The following UGT2B28 variants were observed in gnomAD, a reference collection of about 807,000 sequenced individuals.
UGT2B28 encodes UDP glucuronosyltransferase family 2 member B28.
In UGT2B28, 45 loss-of-function variants were observed where a neutral mutation model predicts 43.6. That is an observed-to-expected ratio of 1.03 (90% CI 0.81 to 1.32). The LOEUF (loss-of-function observed/expected upper bound fraction) is 1.32. UGT2B28 is among the 40% of genes most tolerant of loss of function. The pLI is 0.00. For synonymous variants in UGT2B28, 204 were observed against 208.1 expected (o/e 0.98, Z 0.17); for missense variants, 649 against 625.5 (o/e 1.04, Z -0.40).
Position 69,294,554 on chromosome 4 carries a change from A to G in UGT2B28, c.1335A>G (p.Leu445=). 2 of 1,543,376 alleles carry G rather than the reference A, an allele frequency of 1.3e-6. 1 individual carries two copies. Among genetic ancestry groups the G allele is most frequent in the Non-Finnish European group, 1.7e-6 (2 of 1,148,246 alleles). The stretch of plus-strand genomic sequence containing the variant: ...GATATAAAGAGAATGTTATGAAATT[A>G]TCAATAATTCAACATGATCAACCAG... ...DPSYKENVMK[L]SIIQHDQPVK... The change falls in exon 6 of 6, where the codon TTA becomes TTG. Residue 445 remains leucine (L), a synonymous_variant. Coordinates refer to ENST00000335568, the MANE Select transcript of UGT2B28 (RefSeq NM_053039.2).
At chr4:69,290,849 A>G (rs1240664488) in intron 5 of UGT2B28, 38 bp downstream of exon 5, 2 of 1,537,224 alleles carry the variant, frequency 1.3e-6, no homozygotes, top group Non-Finnish European at 1.8e-6. Context: ...TGGTATTTGT[A>G]GATAGCTTCT....
chr4:69,291,634 C>T (rs1412622081), intron 5 of UGT2B28, among the ~76,000 whole-genome samples: 8 of 140,362 alleles, frequency 5.7e-5, no homozygotes, highest in Admixed American at 1.4e-4. Flanking sequence ...TTTAGTTGTT[C>T]ATTTGTCAGT....
rs4235127 is a variant in UGT2B28, at chr4:69,290,595, T to A, written c.1094T>A (p.Leu365His). The A allele has an allele frequency of 0.51, 778,994 of 1,527,696 alleles. 255,771 individuals are homozygous for A. Among genetic ancestry groups the A allele is most frequent in the Non-Finnish European group, 0.54 (606,112 of 1,128,186 alleles). The allele number at this position is 1,527,696 out of a possible 1,614,324, so 94.6% of individuals were successfully genotyped here. A position where few individuals can be genotyped will look rare whatever the true frequency, so the allele number is the denominator to read the frequency against. The stretch of plus-strand genomic sequence containing the variant: ...GCTAAAATTCATCCAATCCTAGGTC[T>A]TCCAAAAACCAGAGCTTTTATAACT... The part of the protein sequence containing the change: ...KWIPQNDLLG[L>H]PKTRAFITHG... Residue 365 changes from leucine (L) to histidine (H), a missense_variant, in exon 5 of 6, where the codon CTT (leucine) becomes CAT (histidine). Transcript: ENST00000335568.
rs900610898 is a variant in UGT2B28, at chr4:69,284,216, T to C, written c.870+1554T>C. 2.1e-5 allele frequency among the ~76,000 whole-genome samples: 3 copies of C among 139,844 alleles called. 1 individual carries two copies. Among genetic ancestry groups the C allele is most frequent in the Non-Finnish European group, 4.6e-5 (3 of 65,496 alleles). 91.7% of individuals were successfully genotyped at this position (139,844 alleles called of 152,430 possible). ...CAATGCATGTATAATAAAGAACAAA[T>C]AATTTCTACCACTTGTATCTGAATA... is the stretch of plus-strand genomic sequence containing the variant. On this transcript the variant is annotated intron_variant, in intron 2 of 5. Transcript: ENST00000335568.
At chr4:69,286,149 C>T (rs1290653626) in intron 2 of UGT2B28, among the ~76,000 whole-genome samples, 2 of 140,658 alleles carry the variant, frequency 1.4e-5, no homozygotes, top group Non-Finnish European at 3.0e-5. Flanking sequence ...CTTTTATTTT[C>T]ATTTTTTATT....
rs1179825156 is a variant in UGT2B28 at position 69,289,634 on chromosome 4, A to G, written c.1003-31A>G. The G allele has an allele frequency of 1.1e-5, 16 of 1,512,408 alleles. 2 individuals are homozygous for G. Among genetic ancestry groups the G allele is most frequent in the Non-Finnish European group, 1.4e-5 (16 of 1,128,376 alleles). The allele number at this position is 1,512,408 out of a possible 1,614,324, so 93.7% of individuals were successfully genotyped here. ...ATTCTATAATTTTTGAGTTCCACTCATGGAATAAGATATTCTCTTTACTGT... is the reference window on the plus strand; with the variant it reads ...ATTCTATAATTTTTGAGTTCCACTCGTGGAATAAGATATTCTCTTTACTGT... On this transcript the variant is annotated intron_variant, in intron 3 of 5. Coordinates refer to ENST00000335568, the MANE Select transcript of UGT2B28 (RefSeq NM_053039.2).
rs1330940785 is a variant in UGT2B28 at position 69,287,291 on chromosome 4, T to TA, written c.1002+413dup. Among the ~76,000 whole-genome samples, 5 of 140,894 alleles carry TA rather than the reference T, an allele frequency of 3.5e-5. 1 individual carries two copies. Among genetic ancestry groups the TA allele is most frequent in the Non-Finnish European group, 6.1e-5 (4 of 65,828 alleles). 92.4% of individuals were successfully genotyped at this position (140,894 alleles called of 152,430 possible). A position where few individuals can be genotyped will look rare whatever the true frequency, so the allele number is the denominator to read the frequency against. On this transcript the variant is annotated intron_variant, in intron 3 of 5. Transcript: ENST00000335568. The stretch of plus-strand genomic sequence containing the variant: ...TAGATGACTTTCAAGTGTTTTCAAC[T>TA]AAAAATATATATCCAGAACTGCATC...
chr4:69,293,258 A>G (rs1356702828), intron 5 of UGT2B28, among the ~76,000 whole-genome samples: 4 of 140,362 alleles, frequency 2.8e-5, no homozygotes, highest in Non-Finnish European at 6.1e-5. Flanking sequence ...AAAAGTAGTC[A>G]CTAAAAGGTT....
At position 69,280,496 on chromosome 4, in the gene UGT2B28, C is replaced by T. The variant is rs1423249817; in HGVS notation, c.-5C>T. ...ACTTGAAAAGAATGATTGCATTGCA[C>T]CAGGATGGCTCTGAAGTGGACTTCA... On this transcript the variant is annotated 5_prime_UTR_variant, in exon 1 of 6. Transcript: ENST00000335568. 1.9e-6 allele frequency: 3 copies of T among 1,549,796 alleles called. No individual in the cohort carries two copies. The highest frequency in any genetic ancestry group is 3.1e-5 in the African/African-American group (2 of 65,460).
Position 69,280,672 on chromosome 4 carries a change from T to C in UGT2B28, c.172T>C (p.Ser58Pro). 6.4e-7 allele frequency: 1 copy of C among 1,561,438 alleles called. No individual in the cohort carries two copies. Among genetic ancestry groups the C allele is most frequent in the African/African-American group, 1.5e-5 (1 of 66,268 alleles). The part of the protein sequence containing the change: ...QRGHEVTVLA[S>P]SASILFDPND... ...AGGTCATGAGGTGACTGTACTGGCA[T>C]CTTCAGCTTCCATTCTTTTTGATCC... The change falls in exon 1 of 6, where the codon TCT becomes CCT. Residue 58 changes from serine (S) to proline (P), a missense_variant. Ser to Pro is a moderately conservative substitution (Grantham distance 74, BLOSUM62 -1). Coordinates refer to ENST00000335568, the MANE Select transcript of UGT2B28 (RefSeq NM_053039.2).
At position 69,288,024 on chromosome 4, in the gene UGT2B28, T is replaced by A. The variant is rs541140739; in HGVS notation, c.1002+1141T>A. 1.1e-4 allele frequency among the ~76,000 whole-genome samples: 16 copies of A among 140,384 alleles called. 3 individuals are homozygous for A. Among genetic ancestry groups the A allele is most frequent in the Non-Finnish European group, 2.3e-4 (15 of 65,722 alleles). 92.1% of individuals were successfully genotyped at this position (140,384 alleles called of 152,430 possible). A position where few individuals can be genotyped will look rare whatever the true frequency, so the allele number is the denominator to read the frequency against. On this transcript the variant is annotated intron_variant, in intron 3 of 5. Transcript: ENST00000335568. Reference sequence around the variant, plus strand: ...TAGCAGAACATATTAATCACTGTTGTCAAAGCTTTGTAGCACGTTGTCTAA... The same window carrying A: ...TAGCAGAACATATTAATCACTGTTGACAAAGCTTTGTAGCACGTTGTCTAA...
At chr4:69,289,587 C>T in intron 3 of UGT2B28, 78 bp from the exon 4 acceptor site, 3 of 1,299,110 alleles carry the variant, frequency 2.3e-6, no homozygotes, top group Non-Finnish European at 3.1e-6. Context: ...GATCTCATTC[C>T]TACCCTTTTT....
At chr4:69,286,482 A>G (rs1012105301) in intron 2 of UGT2B28, among the ~76,000 whole-genome samples, 6 of 140,654 alleles carry the variant, frequency 4.3e-5, no homozygotes, top group Non-Finnish European at 9.1e-5. Flanking sequence ...CCTGACTACA[A>G]TGTAATAGCT....
In UGT2B28 at chr4:69,291,419, T is replaced by A. The variant is rs1723952295; in HGVS notation, c.1310+608T>A. 1.4e-5 allele frequency among the ~76,000 whole-genome samples: 2 copies of A among 140,674 alleles called. 1 individual carries two copies. Among genetic ancestry groups the A allele is most frequent in the Non-Finnish European group, 3.0e-5 (2 of 65,722 alleles). The allele number at this position is 140,674 out of a possible 152,430, so 92.3% of individuals were successfully genotyped here. A position where few individuals can be genotyped will look rare whatever the true frequency, so the allele number is the denominator to read the frequency against. On this transcript the variant is annotated intron_variant, in intron 5 of 5. Transcript: ENST00000335568. Reference sequence around the variant, plus strand: ...TGCTTAGTCCTAGTCTAACACCAATTTGTTTTCTTTCTCTATAAGTTATTC... The same window carrying A: ...TGCTTAGTCCTAGTCTAACACCAATATGTTTTCTTTCTCTATAAGTTATTC...
chr4:69,289,886 T>G, intron 4 of UGT2B28, 134 bp downstream of exon 4: 1 of 989,256 alleles, frequency 1.0e-6, no homozygotes, highest in Non-Finnish European at 1.4e-6. Flanking sequence ...TATTTTCCAG[T>G]CCTAGGGGAA....
chr4:69,282,628 G>T lies in UGT2B28; in HGVS notation c.836G>T (p.Gly279Val). 1.3e-5 allele frequency: 20 copies of T among 1,552,906 alleles called. 2 individuals carry two copies. The highest frequency in any genetic ancestry group is 1.7e-5 in the Non-Finnish European group (20 of 1,152,716). ...TTACCAAACATTGATTTTGTTGGAGGACTCCACTGCAAACCTGCCAAACCC... is the reference window on the plus strand; with the variant it reads ...TTACCAAACATTGATTTTGTTGGAGTACTCCACTGCAAACCTGCCAAACCC... ...PFLPNIDFVGGLHCKPAKPLP... is the reference protein window; with the variant it reads ...PFLPNIDFVGVLHCKPAKPLP... The change falls in exon 2 of 6, where the codon GGA becomes GTA. Residue 279 changes from glycine (G) to valine (V), a missense_variant. Coordinates refer to ENST00000335568, the MANE Select transcript of UGT2B28 (RefSeq NM_053039.2).
chr4:69,290,384 A>G (rs1213625006), intron 4 of UGT2B28, among the ~76,000 whole-genome samples: 1 of 140,162 alleles, frequency 7.1e-6, no homozygotes, highest in Non-Finnish European at 1.5e-5. Flanking sequence ...AAAATCTTGT[A>G]TTCAGTTTTG....
Position 69,290,009 on chromosome 4 carries a change from A to G in UGT2B28, c.1090+257A>G, listed in dbSNP as rs184666376. ...ATTATATCTCACAGAATTTTTCAGT[A>G]TCTTCCTGGGCTGTCTCTCCGTCTC... On this transcript the variant is annotated intron_variant, in intron 4 of 5. Transcript: ENST00000335568. Among the ~76,000 whole-genome samples, 305 of 140,372 alleles carry G rather than the reference A, an allele frequency of 2.2e-3. 70 individuals are homozygous for G. Among genetic ancestry groups the G allele is most frequent in the African/African-American group, 8.2e-3 (294 of 35,980 alleles). 92.1% of individuals were successfully genotyped at this position (140,372 alleles called of 152,430 possible).
intron 5 of UGT2B28, among the ~76,000 whole-genome samples, chr4:69,292,682 GAC>G (rs2109697794): frequency 1.4e-5 from 2 of 139,706 alleles, no homozygotes; most frequent in South Asian, 4.8e-4. Flanking sequence ...TCAACTTGAA[GAC>G]ACATTTTCCT....
Sources: allele counts gnomAD v4.1 joint callset (sites outside exome capture counted in the v4.1 genomes callset), GRCh38; gene constraint gnomAD v4.1.1; transcripts MANE v1.5; gene names NCBI Gene and HGNC (gene_info 2026-07-23, HGNC 2026-07-21).